PGGT1B: variants seen among roughly 807,000 people sequenced by gnomAD.
PGGT1B encodes the protein geranylgeranyl transferase type-1 subunit beta.
In PGGT1B, 30 loss-of-function variants were observed where a neutral mutation model predicts 46.1. The observed-to-expected ratio is 0.65, with a 90% confidence interval of 0.49 to 0.88. The LOEUF (loss-of-function observed/expected upper bound fraction) is 0.88, where lower values mean the gene tolerates loss of function less well. Ranked by LOEUF, PGGT1B falls within the 40% of genes least tolerant of loss-of-function variation. The pLI, the probability that PGGT1B is intolerant of heterozygous loss-of-function variation, is 0.00. For synonymous variants in PGGT1B, 170 were observed against 160.0 expected (o/e 1.06, Z -0.47); for missense variants, 376 against 455.9 (o/e 0.82, Z 1.60).
Position 115,216,875 on chromosome 5 carries a change from G to C in PGGT1B, c.942C>G (p.Asp314Glu), listed in dbSNP as rs1479557931. 2.0e-6 allele frequency: 3 copies of C among 1,520,168 alleles called. No homozygotes were observed. In the African/African-American group the frequency reaches 4.1e-5, roughly 21 times the overall value. The allele number at this position is 1,520,168 out of a possible 1,614,324, so 94.2% of individuals were successfully genotyped here. A position where few individuals can be genotyped will look rare whatever the true frequency, so the allele number is the denominator to read the frequency against. The change falls in exon 8 of 9, where the codon GAC becomes GAG. Residue 314 changes from aspartate (D) to glutamate (E), a missense_variant. Transcript: ENST00000419445. ...RLVGGFAKWP[D>E]SHPDALHAYF... ...AAAGAAAATAATTACCTGGATGACTGTCTGGCCACTTGGCAAATCCCCCTA... is the reference window on the plus strand; with the variant it reads ...AAAGAAAATAATTACCTGGATGACTCTCTGGCCACTTGGCAAATCCCCCTA...
In PGGT1B at chr5:115,215,789, C is replaced by T. The variant is rs145288082; in HGVS notation, c.952+1076G>A. Among the ~76,000 whole-genome samples the T allele has an allele frequency of 3.3e-3, 507 of 152,288 alleles. 2 individuals are homozygous for T. The highest frequency in any genetic ancestry group is 0.011 in the African/African-American group (475 of 41,564). ...CTTTCCAGGCTGATAATAAAAACCA[C>T]GACTCTATTGCAATACTGGCAAAAA... On this transcript the variant is annotated intron_variant, in intron 8 of 8. Transcript: ENST00000419445.
intron 2 of PGGT1B, among the ~76,000 whole-genome samples, chr5:115,243,965 C>T (rs1189141161): frequency 2.0e-5 from 3 of 152,120 alleles, no homozygotes; most frequent in Non-Finnish European, 2.9e-5. Flanking sequence ...AATTCCATGA[C>T]GAACGTTTCT....
At chr5:115,230,408 G>C (rs1163320867) in intron 6 of PGGT1B, among the ~76,000 whole-genome samples, 4 of 152,076 alleles carry the variant, frequency 2.6e-5, no homozygotes, top group Non-Finnish European at 5.9e-5. Flanking sequence ...ATTTCAACTT[G>C]AGAGAATTCA....
At chr5:115,242,292 G>C (rs1309218790) in intron 2 of PGGT1B, among the ~76,000 whole-genome samples, 1 of 152,012 alleles carries the variant, frequency 6.6e-6, no homozygotes, top group Admixed American at 6.6e-5. Flanking sequence ...TTGGGAACTT[G>C]AAAGAACAAT....
intron 4 of PGGT1B, 78 bp from the exon 5 acceptor site, chr5:115,236,600 CT>C (rs1349984189): frequency 1.2e-6 from 1 of 853,272 alleles, no homozygotes; most frequent in Non-Finnish European, 1.7e-6. Context: ...GAAACACCTC[CT>C]GCTTGTCTTT....
intron 1 of PGGT1B, 43 bp downstream of exon 1, chr5:115,262,669 G>A: frequency 6.4e-7 from 1 of 1,567,766 alleles, no homozygotes. Context: ...TTCCGCTGGA[G>A]CCCGGGCCTT....
chr5:115,262,808 C>T lies in PGGT1B; in HGVS notation c.44G>A (p.Gly15Glu), dbSNP rs776585418. Residue 15 changes from glycine to glutamate, a missense_variant, in exon 1 of 9, where the codon GGA (glycine) becomes GAA (glutamate). Physicochemically the swap from Gly to Glu is moderately conservative, Grantham distance 98. Around this residue, in one of 2 missense-constraint regions of PGGT1B, gnomAD observed 154 missense variants for 142.3 expected, o/e 1.08. Coordinates refer to ENST00000419445, the MANE Select transcript of PGGT1B (RefSeq NM_005023.4). ...ATCCCGTAAGAAATCCAGCCGCTCT[C>T]CCTCACCGCTCCCTGCTAGCCTCTC... ...EDERLAGSGE[G>E]ERLDFLRDRH... 7.4e-6 allele frequency: 12 copies of T among 1,612,738 alleles called. No homozygotes were observed. In the African/African-American group the frequency reaches 1.3e-4, roughly 18 times the overall value.
rs34918686 is a variant in PGGT1B, at chr5:115,241,559, T to C, written c.307A>G (p.Ile103Val). The C allele has an allele frequency of 3.9e-3, 6,348 of 1,607,726 alleles. 242 individuals carry two copies. In the African/African-American group the frequency reaches 0.076, roughly 19 times the overall value. ...CGFRGSSYLG[I>V]PFNPSKAPGT... The stretch of plus-strand genomic sequence containing the variant: ...CCAACCTTTGATGGATTGAACGGAA[T>C]ACCCAGGTATGAAGAGCCTCGGAAA... The change falls in exon 3 of 9, where the codon ATT becomes GTT. Residue 103 changes from isoleucine (I) to valine (V), a missense_variant. Physicochemically the swap from Ile to Val is conservative, Grantham distance 29 (BLOSUM62 3). Coordinates refer to ENST00000419445, the MANE Select transcript of PGGT1B (RefSeq NM_005023.4).
At chr5:115,252,954 T>G in intron 2 of PGGT1B, 183 bp downstream of exon 2, 1 of 547,528 alleles carries the variant, frequency 1.8e-6, no homozygotes, top group Non-Finnish European at 3.1e-6. Flanking sequence ...ATTGTTTTCT[T>G]GAGATTATGA....
At chr5:115,246,074 GGGCGCGGT>G (rs1747820299) in intron 2 of PGGT1B, among the ~76,000 whole-genome samples, 2 of 152,056 alleles carry the variant, frequency 1.3e-5, no homozygotes, top group Non-Finnish European at 2.9e-5. Flanking sequence ...CACTTAGGCC[GGGCGCGGT>G]GGCTCAAGCC....
intron 2 of PGGT1B, among the ~76,000 whole-genome samples, chr5:115,245,823 T>G (rs1257307254): frequency 6.6e-6 from 1 of 152,202 alleles, no homozygotes; most frequent in Non-Finnish European, 1.5e-5. Context: ...TAGTATTTTT[T>G]GCCTTCTTCT....
At chr5:115,244,544 T>C (rs1187937318) in intron 2 of PGGT1B, among the ~76,000 whole-genome samples, 1 of 146,710 alleles carries the variant, frequency 6.8e-6, no homozygotes, top group Admixed American at 6.8e-5. Context: ...ATGCTATACT[T>C]AAAAAAAAAA....
Position 115,262,829 on chromosome 5 carries a change from C to T in PGGT1B, c.23G>A (p.Arg8Lys), listed in dbSNP as rs1267446652. Residue 8 changes from arginine to lysine, a missense_variant, in exon 1 of 9, where the codon AGG (arginine) becomes AAG (lysine). Physicochemically the swap from Arg to Lys is conservative, Grantham distance 26. Around this residue, in one of 2 missense-constraint regions of PGGT1B, gnomAD observed 154 missense variants for 142.3 expected, o/e 1.08. Coordinates refer to ENST00000419445, the MANE Select transcript of PGGT1B (RefSeq NM_005023.4). ...CTCTCCCTCACCGCTCCCTGCTAGC[C>T]TCTCATCCTCAGTGGCCGCCATGCT... is the stretch of plus-strand genomic sequence containing the variant. MAATEDE[R>K]LAGSGEGERL... 1 of 1,612,440 alleles carries T rather than the reference C, an allele frequency of 6.2e-7. No homozygotes were observed. The highest frequency in any genetic ancestry group is 1.7e-5 in the Admixed American group (1 of 60,026).
intron 5 of PGGT1B, among the ~76,000 whole-genome samples, chr5:115,232,653 T>C (rs761450494): frequency 2.0e-5 from 3 of 152,044 alleles, no homozygotes; most frequent in Non-Finnish European, 2.9e-5. Context: ...AAAACAATCA[T>C]AATTTTTCCC....
rs1327860698 is a variant in PGGT1B at position 115,205,409 on chromosome 5, G to C, written c.*6993C>G. 1.3e-5 allele frequency: 2 copies of C among 152,088 alleles called. No homozygotes were observed. The highest frequency in any genetic ancestry group is 4.8e-5 in the African/African-American group (2 of 41,408). The allele number at this position is 152,088 out of a possible 1,614,324, so 9.4% of individuals were successfully genotyped here. On this transcript the variant is annotated 3_prime_UTR_variant, in exon 9 of 9. Coordinates refer to ENST00000419445, the MANE Select transcript of PGGT1B (RefSeq NM_005023.4). ...TTAATGGCCACCCTTAATTTAGTTAGAGCCTCAAGATATTTAATGAAAAGT... is the reference window on the plus strand; with the variant it reads ...TTAATGGCCACCCTTAATTTAGTTACAGCCTCAAGATATTTAATGAAAAGT...
intron 1 of PGGT1B, among the ~76,000 whole-genome samples, chr5:115,260,188 C>A (rs1210574421): frequency 6.6e-6 from 1 of 152,106 alleles, no homozygotes; most frequent in East Asian, 1.9e-4. Context: ...AAAAATTATT[C>A]CTATTGGTCA....
At chr5:115,219,839 C>G (rs1019957069) in intron 7 of PGGT1B, among the ~76,000 whole-genome samples, 3 of 151,622 alleles carry the variant, frequency 2.0e-5, no homozygotes, top group African/African-American at 7.3e-5. Flanking sequence ...GAAAGACACT[C>G]AATATCATTA....
chr5:115,234,429 G>A (rs540775772), intron 5 of PGGT1B, among the ~76,000 whole-genome samples: 1 of 151,936 alleles, frequency 6.6e-6, no homozygotes, highest in Non-Finnish European at 1.5e-5. Context: ...ACACTTCTCT[G>A]TATATATCTT....
chr5:115,248,076 T>C (rs1482589831), intron 2 of PGGT1B, among the ~76,000 whole-genome samples: 2 of 152,106 alleles, frequency 1.3e-5, no homozygotes, highest in Non-Finnish European at 2.9e-5. Context: ...AAGAATCCAC[T>C]AAAAAAATGA....
Sources: gnomAD v4.1 joint callset for allele counts (sites outside exome capture counted in the v4.1 genomes callset) on GRCh38, gnomAD v4.1.1 for gene constraint, gnomAD v4.1.1 regional missense constraint, MANE v1.5 for transcripts, NCBI Gene and HGNC (gene_info 2026-07-23, HGNC 2026-07-21) for gene names.